Variants in GPR21 observed in about 807,000 individuals in gnomAD.
The protein encoded by GPR21 is G protein-coupled receptor 21.
Under a neutral mutation model 21.5 loss-of-function variants are expected in GPR21, and 9 were observed. That is an observed-to-expected ratio of 0.42 (90% confidence interval 0.25 to 0.73). The LOEUF (loss-of-function observed/expected upper bound fraction) is 0.73, where lower values mean the gene tolerates loss of function less well. GPR21 is among the 30% of genes least tolerant of loss of function. The probability of loss-of-function intolerance (pLI) is 0.27; values close to 1 mark genes in which losing one functional copy is unlikely to be tolerated. For missense variants in GPR21, 416 were observed against 428.9 expected (o/e 0.97, Z 0.27); for synonymous variants, 169 against 159.3 (o/e 1.06, Z -0.46).
At chr9:123,040,701 C>T in the GPR21 span, among the ~76,000 whole-genome samples, 1 of 151,860 alleles carries the variant, frequency 6.6e-6, no homozygotes, top group Non-Finnish European at 1.5e-5. Flanking sequence ...TTGTTTTTTA[C>T]GTTAGTTTGA....
chr9:123,041,982 C>G, the GPR21 span, among the ~76,000 whole-genome samples: 1 of 152,208 alleles, frequency 6.6e-6, no homozygotes, highest in South Asian at 2.1e-4. Flanking sequence ...AAGCAGGCAA[C>G]TGGTTTTCAC....
chr9:123,038,842 AT>A (rs1401333761), downstream of GPR21, among the ~76,000 whole-genome samples: 1 of 152,008 alleles, frequency 6.6e-6, no homozygotes, highest in Admixed American at 6.6e-5. Flanking sequence ...TTTCTTCAAA[AT>A]TTGCATGACA....
chr9:123,041,462 A>C, the GPR21 span, among the ~76,000 whole-genome samples: 6 of 152,226 alleles, frequency 3.9e-5, no homozygotes, highest in African/African-American at 1.4e-4. Context: ...TTATGATTCA[A>C]ATCCAATTCT....
At chr9:123,048,160 A>G in the GPR21 span, among the ~76,000 whole-genome samples, 1 of 151,994 alleles carries the variant, frequency 6.6e-6, no homozygotes. Flanking sequence ...GCTGGTCTCG[A>G]ACTCCTGACC....
downstream of GPR21, chr9:123,035,808 G>A: frequency 2.0e-6 from 1 of 499,240 alleles, no homozygotes; most frequent in Non-Finnish European, 3.5e-6. Flanking sequence ...TTTCAAAAGT[G>A]CTTGTGAATT....
chr9:123,035,190 C>T lies in GPR21; in HGVS notation c.624C>T (p.Cys208=). Reference sequence around the variant, plus strand: ...ATGCCCCAGCAGCCCTTATTGTCTGCTTCACCTATTTCAACATCTTCCGCA... The same window carrying T: ...ATGCCCCAGCAGCCCTTATTGTCTGTTTCACCTATTTCAACATCTTCCGCA... The part of the protein sequence containing the change: ...MLYAPAALIV[C]FTYFNIFRIC... Residue 208 remains cysteine (C), a synonymous_variant, in exon 2 of 2, where the codon TGC becomes TGT. Coordinates refer to ENST00000616002, the MANE Select transcript of GPR21 (RefSeq NM_005294.3). 1 of 1,614,132 alleles carries T rather than the reference C, an allele frequency of 6.2e-7. No homozygotes were observed. Among genetic ancestry groups the T allele is most frequent in the Non-Finnish European group, 8.5e-7 (1 of 1,180,000 alleles).
chr9:123,035,824 A>T, downstream of GPR21: 1 of 485,156 alleles, frequency 2.1e-6, no homozygotes, highest in Non-Finnish European at 3.6e-6. Context: ...GAATTAGAAG[A>T]CTCAAGATCA....
In GPR21 at chr9:123,034,851, A is replaced by G. The variant is rs755301688; in HGVS notation, c.285A>G (p.Pro95=). 3.1e-6 allele frequency: 5 copies of G among 1,614,006 alleles called. No homozygotes were observed. The highest frequency in any genetic ancestry group is 2.2e-5 in the East Asian group (1 of 44,880). ...TATCACTCCTCCATCACCCCCTTCC[A>G]GTAGAGGAGTCCTTGACTTGCCAGA... ...PSLSLLHHPL[P]VEESLTCQIF... is the part of the protein sequence containing the mutation. The change falls in exon 2 of 2, where the codon CCA becomes CCG. Residue 95 remains proline (P), a synonymous_variant. Coordinates refer to ENST00000616002, the MANE Select transcript of GPR21 (RefSeq NM_005294.3).
the GPR21 span, among the ~76,000 whole-genome samples, chr9:123,046,271 G>A: frequency 5.3e-5 from 8 of 152,198 alleles, no homozygotes; most frequent in Non-Finnish European, 1.0e-4. Flanking sequence ...ACTTCAGGAG[G>A]TGGAAAGGAA....
chr9:123,035,237 A>C lies in GPR21; in HGVS notation c.671A>C (p.Asp224Ala). 1 of 1,614,212 alleles carries C rather than the reference A, an allele frequency of 6.2e-7. No homozygotes were observed. Among genetic ancestry groups the C allele is most frequent in the Non-Finnish European group, 8.5e-7 (1 of 1,180,038 alleles). ...CGCATCTGCCAACAGCACACAAAGGATATCAGCGAAAGGCAAGCCCGCTTC... is the reference window on the plus strand; with the variant it reads ...CGCATCTGCCAACAGCACACAAAGGCTATCAGCGAAAGGCAAGCCCGCTTC... ...IFRICQQHTK[D>A]ISERQARFSS... The change falls in exon 2 of 2, where the codon GAT (aspartate) becomes GCT (alanine). Residue 224 changes from aspartate (D) to alanine (A), a missense_variant. Coordinates refer to ENST00000616002, the MANE Select transcript of GPR21 (RefSeq NM_005294.3).
downstream of GPR21, among the ~76,000 whole-genome samples, chr9:123,036,917 G>A (rs1454200595): frequency 6.6e-6 from 1 of 151,934 alleles, no homozygotes; most frequent in Non-Finnish European, 1.5e-5. Flanking sequence ...ATGTAGTAGT[G>A]ATGTTTGTTC....
At chr9:123,039,803 A>G (rs543171537), downstream of GPR21, among the ~76,000 whole-genome samples, 1 of 152,282 alleles carries the variant, frequency 6.6e-6, no homozygotes, top group East Asian at 1.9e-4. Flanking sequence ...AGGCCAAAGG[A>G]ACTATAGAAA....
chr9:123,048,526 T>C, the GPR21 span, among the ~76,000 whole-genome samples: 1 of 152,194 alleles, frequency 6.6e-6, no homozygotes, highest in Non-Finnish European at 1.5e-5. Flanking sequence ...TTTAAACAAA[T>C]AGTACAAGTC....
At chr9:123,044,707 G>T in the GPR21 span, among the ~76,000 whole-genome samples, 3 of 151,790 alleles carry the variant, frequency 2.0e-5, no homozygotes, top group Non-Finnish European at 4.4e-5. Flanking sequence ...TACAAGACAT[G>T]GTATTGTGAA....
the GPR21 span, among the ~76,000 whole-genome samples, chr9:123,044,768 C>A: frequency 3.9e-5 from 6 of 151,960 alleles, no homozygotes; most frequent in Non-Finnish European, 5.9e-5. Context: ...CAAGGAGGTG[C>A]CTGTTAAATA....
In GPR21 at chr9:123,034,478, A is replaced by G; in HGVS notation, c.-89A>G. On this transcript the variant is annotated 5_prime_UTR_variant, in exon 2 of 2. Transcript: ENST00000616002. ...CTCTGGCATTATTACACACATGCAA[A>G]GCTGACCGCAATGACAGCAGCTGCT... The G allele has an allele frequency of 1.3e-6, 1 of 795,026 alleles. No homozygotes were observed. Among genetic ancestry groups the G allele is most frequent in the Non-Finnish European group, 2.1e-6 (1 of 483,384 alleles). 49.2% of individuals were successfully genotyped at this position (795,026 alleles called of 1,614,324 possible). A position where few individuals can be genotyped will look rare whatever the true frequency, so the allele number is the denominator to read the frequency against.
the GPR21 span, among the ~76,000 whole-genome samples, chr9:123,044,523 C>T: frequency 6.6e-5 from 10 of 152,174 alleles, no homozygotes; most frequent in African/African-American, 2.4e-4. Context: ...CTGTTTGGAA[C>T]TTTTCAGATT....
chr9:123,038,340 T>A (rs2032777824), downstream of GPR21, among the ~76,000 whole-genome samples: 1 of 152,192 alleles, frequency 6.6e-6, no homozygotes, highest in Non-Finnish European at 1.5e-5. Flanking sequence ...AATAATGGTC[T>A]CAGTATTTTA....
rs1477493428 is a variant in GPR21 at position 123,034,587 on chromosome 9, T to G, written c.21T>G (p.Gly7=). 1 of 1,606,724 alleles carries G rather than the reference T, an allele frequency of 6.2e-7. No individual in the cohort carries two copies. The highest frequency in any genetic ancestry group is 2.2e-5 in the East Asian group (1 of 44,874). The change falls in exon 2 of 2, where the codon GGT becomes GGG. Residue 7 remains glycine (G), a synonymous_variant. Coordinates refer to ENST00000616002, the MANE Select transcript of GPR21 (RefSeq NM_005294.3). ...TCAAGATGAACTCCACCTTGGATGG[T>G]AATCAGAGCAGCCACCCTTTTTGCC... MNSTLD[G]NQSSHPFCLL... is the part of the protein sequence containing the mutation.
Sources: gnomAD v4.1 joint callset for allele counts (sites outside exome capture counted in the v4.1 genomes callset) on GRCh38, gnomAD v4.1.1 for gene constraint, MANE v1.5 for transcripts, NCBI Gene and HGNC (gene_info 2026-07-23, HGNC 2026-07-21) for gene names.